Variants in CFAP52 observed in about 807,000 individuals in gnomAD.
The protein encoded by CFAP52 is cilia and flagella associated protein 52, also known as cilia- and flagella-associated protein 52.
A neutral mutation model predicts 70.5 loss-of-function variants in CFAP52; 57 were observed. The ratio of observed to expected loss-of-function variants is 0.81; its 90% CI spans 0.65 to 1.01. The LOEUF (loss-of-function observed/expected upper bound fraction) is 1.01, where lower values mean the gene tolerates loss of function less well. Among genes scored for constraint, CFAP52 ranks in the 50% least tolerant of loss-of-function variants. The probability of loss-of-function intolerance (pLI) is 0.00; values close to 1 mark genes in which losing one functional copy is unlikely to be tolerated. For synonymous variants in CFAP52, 267 were observed against 292.5 expected, an observed-to-expected ratio of 0.91 and a Z score of 0.89; for missense variants, 785 against 788.5, an observed-to-expected ratio of 1.00 and a Z score of 0.05.
chr17:9,626,383 C>T (rs1304742790), intron 8 of CFAP52, among the ~76,000 whole-genome samples: 1 of 152,162 alleles, frequency 6.6e-6, no homozygotes, highest in Non-Finnish European at 1.5e-5. Flanking sequence ...GCGCACACCA[C>T]CACACCCAAC....
chr17:9,626,560 G>C (rs1178354946), intron 8 of CFAP52, among the ~76,000 whole-genome samples: 1 of 152,184 alleles, frequency 6.6e-6, no homozygotes, highest in Non-Finnish European at 1.5e-5. Context: ...TTGATTTCAT[G>C]ATATTTGATT....
chr17:9,592,271 C>T (rs538244156), intron 3 of CFAP52, among the ~76,000 whole-genome samples: 7 of 151,884 alleles, frequency 4.6e-5, no homozygotes, highest in Non-Finnish European at 7.4e-5. Flanking sequence ...GAGAACAGCC[C>T]GGCCAACATA....
At chr17:9,586,300 A>G (rs1481827198) in intron 2 of CFAP52, among the ~76,000 whole-genome samples, 1 of 152,100 alleles carries the variant, frequency 6.6e-6, no homozygotes, top group East Asian at 1.9e-4. Flanking sequence ...GCGGTGGCTC[A>G]TGCCTGTAAT....
At chr17:9,622,733 A>G (rs559552359) in intron 8 of CFAP52, among the ~76,000 whole-genome samples, 1 of 152,318 alleles carries the variant, frequency 6.6e-6, no homozygotes, top group Admixed American at 6.5e-5. Context: ...TGCAAAATAC[A>G]TAAATCATAA....
chr17:9,641,684 T>C, intron 12 of CFAP52, 40 bp from the exon 13 acceptor site: 1 of 1,502,948 alleles, frequency 6.7e-7, no homozygotes. Context: ...ATGACTCTCC[T>C]GAGCTGAGTC....
intron 6 of CFAP52, among the ~76,000 whole-genome samples, chr17:9,605,006 A>T (rs991267050): frequency 4.6e-5 from 7 of 152,304 alleles, no homozygotes; most frequent in Non-Finnish European, 1.5e-5. Context: ...AATGCAAAAT[A>T]GTACGGCCAC....
rs1345912241 is a variant in CFAP52, at chr17:9,638,714, G to A, written c.1575+3G>A. 6.2e-7 allele frequency: 1 copy of A among 1,613,658 alleles called. No individual in the cohort carries two copies. The highest frequency in any genetic ancestry group is 8.5e-7 in the Non-Finnish European group (1 of 1,179,712). On this transcript the variant is annotated splice_donor_region_variant and intron_variant, in intron 12 of 13. Coordinates refer to ENST00000352665, the MANE Select transcript of CFAP52 (RefSeq NM_145054.5). ...TCACCAGCGGAACAGACAGAAAGGT[G>A]AGTCCTCCCAGTGAGAGATGAGATC... is the stretch of plus-strand genomic sequence containing the variant.
chr17:9,627,855 G>T (rs908869460), intron 8 of CFAP52, among the ~76,000 whole-genome samples: 1 of 152,046 alleles, frequency 6.6e-6, no homozygotes, highest in Non-Finnish European at 1.5e-5. Context: ...TAAGAAGCCA[G>T]GACCACAGGC....
rs374415605 is a variant in CFAP52 at position 9,612,521 on chromosome 17, G to C, written c.1025+42G>C. 1.0e-5 allele frequency: 16 copies of C among 1,577,146 alleles called. No homozygotes were observed. The African/African-American group carries it at 2.0e-4, about 20-fold the overall frequency. On this transcript the variant is annotated intron_variant, in intron 8 of 13. Transcript: ENST00000352665. ...AACAAGAATGTGGAGATTTGATGCA[G>C]TGTGCCAGGGCATTTAATTTTATGA...
chr17:9,626,288 G>A lies in CFAP52; in HGVS notation c.1026-2384G>A, dbSNP rs139046989. 3.2e-3 allele frequency among the ~76,000 whole-genome samples: 481 copies of A among 152,310 alleles called. 5 individuals carry two copies. The highest frequency in any genetic ancestry group is 0.011 in the African/African-American group (462 of 41,570). ...CTTGTTGCCCAGGCTGGAGTGTAAT[G>A]GCATGATCTCAGCTCACTGCAACCT... On this transcript the variant is annotated intron_variant, in intron 8 of 13. Transcript: ENST00000352665.
intron 3 of CFAP52, among the ~76,000 whole-genome samples, chr17:9,587,641 A>G (rs572506238): frequency 6.6e-6 from 1 of 152,010 alleles, no homozygotes; most frequent in South Asian, 2.1e-4. Context: ...GCCTTTTTTC[A>G]TATGCTTGTT....
At chr17:9,594,893 GTT>G (rs11378454) in intron 4 of CFAP52, among the ~76,000 whole-genome samples, 268 of 130,748 alleles carry the variant, frequency 2.0e-3, no homozygotes, top group African/African-American at 5.4e-3. Context: ...ATTAGGGAGG[GTT>G]TTTTTTTTTT....
At chr17:9,631,863 G>T (rs944097778) in intron 9 of CFAP52, among the ~76,000 whole-genome samples, 3 of 151,632 alleles carry the variant, frequency 2.0e-5, no homozygotes, top group African/African-American at 7.3e-5. Flanking sequence ...CGCCTCCCGG[G>T]TTCAAGCGAT....
intron 1 of CFAP52, among the ~76,000 whole-genome samples, chr17:9,577,130 G>A (rs1183808289): frequency 6.6e-6 from 1 of 152,208 alleles, no homozygotes; most frequent in Non-Finnish European, 1.5e-5. Flanking sequence ...CAAAGCCCTA[G>A]GCTCCTTCGT....
chr17:9,586,069 G>A, intron 2 of CFAP52, 97 bp downstream of exon 2: 4 of 1,241,564 alleles, frequency 3.2e-6, no homozygotes, highest in Non-Finnish European at 4.5e-6. Flanking sequence ...GTGGCAATGT[G>A]CTTTATTCTT....
chr17:9,596,668 G>GA (rs560903712), intron 4 of CFAP52, among the ~76,000 whole-genome samples: 2 of 150,702 alleles, frequency 1.3e-5, no homozygotes, highest in African/African-American at 2.4e-5. Flanking sequence ...TCAATACCTT[G>GA]AAAAAAACAC....
chr17:9,579,907 T>A (rs917071161), intron 1 of CFAP52, among the ~76,000 whole-genome samples: 1 of 152,224 alleles, frequency 6.6e-6, no homozygotes. Flanking sequence ...AATATGTAAC[T>A]GTACTTGACA....
At chr17:9,614,989 C>A (rs150347945) in intron 8 of CFAP52, among the ~76,000 whole-genome samples, 56 of 152,206 alleles carry the variant, frequency 3.7e-4, no homozygotes, top group African/African-American at 1.3e-3. Flanking sequence ...TTATTAAATT[C>A]CTAATAAGAA....
At chr17:9,603,376 C>CT (rs1909354809) in intron 6 of CFAP52, among the ~76,000 whole-genome samples, 1 of 151,962 alleles carries the variant, frequency 6.6e-6, no homozygotes, top group Non-Finnish European at 1.5e-5. Context: ...GCCCAGCTAA[C>CT]TTTTTTGTAT....
Sources: gnomAD v4.1 joint callset for allele counts (sites outside exome capture counted in the v4.1 genomes callset) on GRCh38, gnomAD v4.1.1 for gene constraint, MANE v1.5 for transcripts, NCBI Gene and HGNC (gene_info 2026-07-23, HGNC 2026-07-21) for gene names.